The following GHR variants were observed in gnomAD, a reference collection of about 807,000 sequenced individuals.
The protein encoded by GHR is GH receptor.
Under a neutral mutation model 67.1 loss-of-function variants are expected in GHR, and 35 were observed. The ratio of observed to expected loss-of-function variants is 0.52; its 90% CI spans 0.40 to 0.69. GHR has a LOEUF of 0.69. Among genes scored for constraint, GHR ranks in the 30% least tolerant of loss-of-function variants. The pLI is 0.00. For missense variants in GHR, 792 were observed against 764.6 expected (o/e 1.04, Z -0.42); for synonymous variants, 272 against 269.1 (o/e 1.01, Z -0.10).
At chr5:42,426,046 G>A (rs1227361911) in intron 1 of GHR, among the ~76,000 whole-genome samples, 2 of 152,178 alleles carry the variant, frequency 1.3e-5, no homozygotes, top group Non-Finnish European at 2.9e-5. Context: ...TTTTTAAACA[G>A]CAGACTCCAC....
chr5:42,583,951 C>T (rs1459150305), intron 2 of GHR, among the ~76,000 whole-genome samples: 2 of 150,924 alleles, frequency 1.3e-5, no homozygotes, highest in South Asian at 2.1e-4. Context: ...TTCACATGAA[C>T]TGAAAATTGA....
intron 3 of GHR, among the ~76,000 whole-genome samples, chr5:42,671,605 G>A: frequency 7.0e-6 from 1 of 141,914 alleles, no homozygotes. Flanking sequence ...ATAGGTGTGG[G>A]AAAAGCTTTT....
At chr5:42,472,552 A>T (rs145747719) in intron 1 of GHR, among the ~76,000 whole-genome samples, 1 of 152,342 alleles carries the variant, frequency 6.6e-6, no homozygotes. Context: ...AGAGAATTAG[A>T]TGCCTAAGTG....
intron 1 of GHR, among the ~76,000 whole-genome samples, chr5:42,447,581 A>G (rs549485826): frequency 6.6e-6 from 1 of 152,036 alleles, no homozygotes; most frequent in Non-Finnish European, 1.5e-5. Context: ...GTGCTGCTGT[A>G]CAAATGCATG....
intron 3 of GHR, among the ~76,000 whole-genome samples, chr5:42,650,364 T>C (rs1754955576): frequency 6.6e-6 from 1 of 152,108 alleles, no homozygotes; most frequent in Non-Finnish European, 1.5e-5. Context: ...CAGTTCTAGA[T>C]AAAGAATTTA....
chr5:42,573,560 C>A (rs561377121), intron 2 of GHR, among the ~76,000 whole-genome samples: 4 of 152,142 alleles, frequency 2.6e-5, no homozygotes, highest in Non-Finnish European at 5.9e-5. Flanking sequence ...TATCTCTACA[C>A]CACCTGCCTC....
chr5:42,674,070 G>T (rs1756450046), intron 3 of GHR, among the ~76,000 whole-genome samples: 1 of 152,030 alleles, frequency 6.6e-6, no homozygotes, highest in Non-Finnish European at 1.5e-5. Flanking sequence ...CAGGAATTTT[G>T]ATGGTCTCAT....
chr5:42,465,585 A>T (rs1202765283), intron 1 of GHR: 3 of 1,243,248 alleles, frequency 2.4e-6, no homozygotes. Context: ...CAATTATAAG[A>T]TATTTGTTTC....
intron 1 of GHR, among the ~76,000 whole-genome samples, chr5:42,523,701 G>A (rs1343247638): frequency 6.6e-6 from 1 of 152,046 alleles, no homozygotes; most frequent in Non-Finnish European, 1.5e-5. Context: ...ATGCTACAAT[G>A]ACCTCTACGT....
chr5:42,508,773 A>G (rs1405886611), intron 1 of GHR, among the ~76,000 whole-genome samples: 1 of 152,080 alleles, frequency 6.6e-6, no homozygotes, highest in Admixed American at 6.5e-5. Flanking sequence ...ACGGGGTTTC[A>G]CTGTGTTGGC....
chr5:42,535,852 T>A (rs929216889), intron 1 of GHR, among the ~76,000 whole-genome samples: 1 of 152,170 alleles, frequency 6.6e-6, no homozygotes, highest in Non-Finnish European at 1.5e-5. Context: ...TTTGTAGTTT[T>A]CCTTGTCAAG....
Position 42,595,349 on chromosome 5 carries a change from TCTC to T in GHR, c.70+29409_70+29411del, listed in dbSNP as rs372586193. Among the ~76,000 whole-genome samples the T allele has an allele frequency of 1.3e-3, 192 of 152,244 alleles. 1 individual carries two copies. The highest frequency in any genetic ancestry group is 6.2e-3 in the South Asian group (30 of 4,816). On this transcript the variant is annotated intron_variant, in intron 2 of 9. Coordinates refer to ENST00000230882, the MANE Select transcript of GHR (RefSeq NM_000163.5). ...TCAATGCTGCAGTAAAAACTATACT[TCTC>T]CTCAGAATCAGGTATGTTCTTATAT... is the stretch of plus-strand genomic sequence containing the variant.
intron 1 of GHR, among the ~76,000 whole-genome samples, chr5:42,480,905 T>C (rs1377160871): frequency 6.6e-6 from 1 of 152,256 alleles, no homozygotes; most frequent in African/African-American, 2.4e-5. Flanking sequence ...TTAATATCAT[T>C]ATGTGTGAAT....
chr5:42,659,638 C>T (rs1318750965), intron 3 of GHR, among the ~76,000 whole-genome samples: 4 of 152,120 alleles, frequency 2.6e-5, no homozygotes, highest in Non-Finnish European at 5.9e-5. Context: ...CTTCGATGGC[C>T]AAATAGGAAC....
intron 3 of GHR, among the ~76,000 whole-genome samples, chr5:42,680,102 A>G (rs1756782233): frequency 6.6e-6 from 1 of 152,380 alleles, no homozygotes; most frequent in South Asian, 2.1e-4. Flanking sequence ...CCCAAAGCCT[A>G]TGCAGGCATA....
At chr5:42,641,310 T>G (rs546082352) in intron 3 of GHR, among the ~76,000 whole-genome samples, 1 of 152,278 alleles carries the variant, frequency 6.6e-6, no homozygotes, top group African/African-American at 2.4e-5. Context: ...ATGAGTCATT[T>G]GTCAATAAAT....
intron 6 of GHR, among the ~76,000 whole-genome samples, chr5:42,706,721 T>C (rs1348346465): frequency 6.6e-6 from 1 of 152,154 alleles, no homozygotes; most frequent in Non-Finnish European, 1.5e-5. Flanking sequence ...TTTGGGGTTC[T>C]CTGTTCTGTT....
At chr5:42,663,384 AG>A (rs1233508577) in intron 3 of GHR, among the ~76,000 whole-genome samples, 1 of 152,222 alleles carries the variant, frequency 6.6e-6, no homozygotes, top group Non-Finnish European at 1.5e-5. Context: ...CACATCAAAA[AG>A]CTTATCCACC....
At chr5:42,649,191 T>C (rs879398537) in intron 3 of GHR, among the ~76,000 whole-genome samples, 1 of 152,218 alleles carries the variant, frequency 6.6e-6, no homozygotes, top group Admixed American at 6.5e-5. Context: ...TACTACCTAC[T>C]TTATAAGCTC....
Sources: allele counts gnomAD v4.1 joint callset (sites outside exome capture counted in the v4.1 genomes callset), GRCh38; gene constraint gnomAD v4.1.1; transcripts MANE v1.5; gene names NCBI Gene and HGNC (gene_info 2026-07-23, HGNC 2026-07-21).